TMEM25: variants seen among roughly 807,000 people sequenced by gnomAD.
The protein encoded by TMEM25 is 0610039J01Rik.
A neutral mutation model predicts 37.0 loss-of-function variants in TMEM25; 36 were observed. The ratio of observed to expected loss-of-function variants is 0.97; its 90% CI spans 0.75 to 1.28. The LOEUF (loss-of-function observed/expected upper bound fraction) is 1.28. Ranked by LOEUF, TMEM25 falls within the 50% of genes most tolerant of loss-of-function variation. The pLI is 0.00. For synonymous variants in TMEM25, 197 were observed against 203.7 expected (o/e 0.97, Z 0.28); for missense variants, 444 against 477.9 (o/e 0.93, Z 0.66).
In TMEM25 at chr11:118,532,140, T is replaced by C; in HGVS notation, c.71-10T>C. On this transcript the variant is annotated splice_polypyrimidine_tract_variant and intron_variant, in intron 2 of 8. Transcript: ENST00000313236. ...TGAGCCCTTCCCAGAGGCCTCCTGC[T>C]GTGTTCCAGGTTGGGGGGAGTTGGA... is the stretch of plus-strand genomic sequence containing the variant. 1 of 1,547,428 alleles carries C rather than the reference T, an allele frequency of 6.5e-7. No individual in the cohort carries two copies. Among genetic ancestry groups the C allele is most frequent in the Non-Finnish European group, 8.7e-7 (1 of 1,145,216 alleles).
intron 8 of TMEM25, among the ~76,000 whole-genome samples, chr11:118,544,207 C>T (rs1951622558): frequency 6.6e-6 from 1 of 152,200 alleles, no homozygotes; most frequent in Non-Finnish European, 1.5e-5. Flanking sequence ...TCCATCTCTA[C>T]TACTGCCACC....
Position 118,534,486 on chromosome 11 carries a change from C to G in TMEM25, c.1028-21C>G, listed in dbSNP as rs200372342. ...AGGAACAAGCGTTACTGAGTCCCCG[C>G]GGGCTTCTTTGATCCCGCAGGTTTC... is the stretch of plus-strand genomic sequence containing the variant. On this transcript the variant is annotated intron_variant, in intron 8 of 8. Coordinates refer to ENST00000313236, the MANE Select transcript of TMEM25 (RefSeq NM_032780.4). The surrounding 1 kb of genome is among the most constrained non-coding windows in gnomAD (Gnocchi z 4.6). 16 of 1,613,990 alleles carry G rather than the reference C, an allele frequency of 9.9e-6. No individual in the cohort carries two copies. Among genetic ancestry groups the G allele is most frequent in the African/African-American group, 1.3e-5 (1 of 75,044 alleles).
In TMEM25 at chr11:118,534,480, TC is replaced by T. The variant is rs1192485827; in HGVS notation, c.1028-23del. On this transcript the variant is annotated intron_variant, in intron 8 of 8. Coordinates refer to ENST00000313236, the MANE Select transcript of TMEM25 (RefSeq NM_032780.4). This position sits in a 1 kb window ranked among gnomAD's most constrained non-coding sequence, Gnocchi z 4.6. ...ATTCCAAGGAACAAGCGTTACTGAG[TC>T]CCCGCGGGCTTCTTTGATCCCGCAG... 6.2e-7 allele frequency: 1 copy of T among 1,613,836 alleles called. No individual in the cohort carries two copies. The highest frequency in any genetic ancestry group is 8.5e-7 in the Non-Finnish European group (1 of 1,179,960).
chr11:118,532,047 C>G (rs1591333658), intron 2 of TMEM25, 103 bp from the exon 3 acceptor site: 2 of 1,402,622 alleles, frequency 1.4e-6, no homozygotes, highest in East Asian at 5.0e-5. Context: ...ACTCAGGTGC[C>G]CTTTCCTTTG....
intron 8 of TMEM25, chr11:118,545,891 G>T: frequency 6.3e-7 from 1 of 1,581,594 alleles, no homozygotes; most frequent in Non-Finnish European, 8.7e-7. Flanking sequence ...CAAAAGGATG[G>T]TGTCAGTGGT....
At chr11:118,531,733 G>C in intron 1 of TMEM25, 42 bp from the exon 2 acceptor site, 1 of 1,411,900 alleles carries the variant, frequency 7.1e-7, no homozygotes, top group South Asian at 1.3e-5. Flanking sequence ...TGCTAGGCCT[G>C]CCTGCTGTCA....
rs1420603409 is a variant in TMEM25 at position 118,541,871 on chromosome 11, C to CCTCA, written c.1028-4247_1028-4244dup. On this transcript the variant is annotated intron_variant, in intron 8 of 8. Coordinates refer to the TMEM25 transcript ENST00000354284. ...CTCCCGGGCTTAATCGATCCTCCTA[C>CCTCA]CTCAGCCTCTCGAGTAGCTGGGACC... 5.3e-5 allele frequency among the ~76,000 whole-genome samples: 8 copies of CCTCA among 152,212 alleles called. No homozygotes were observed. In the East Asian group the frequency reaches 1.5e-3, roughly 29 times the overall value.
chr11:118,531,867 C>T lies in TMEM25; in HGVS notation c.66C>T (p.Ser22=). ...TGCTGCTCCTGCCAGCCCTTCTGAGCTCAGGTACACCCCTGTTCAGTCGTT... is the reference window on the plus strand; with the variant it reads ...TGCTGCTCCTGCCAGCCCTTCTGAGTTCAGGTACACCCCTGTTCAGTCGTT... ...HTLLLLPALL[S]SGWGELEPQI... Residue 22 remains serine (S), a synonymous_variant, in exon 2 of 9, where the codon AGC becomes AGT. Coordinates refer to ENST00000313236, the MANE Select transcript of TMEM25 (RefSeq NM_032780.4). 6.4e-7 allele frequency: 1 copy of T among 1,551,696 alleles called. No individual in the cohort carries two copies. Among genetic ancestry groups the T allele is most frequent in the Non-Finnish European group, 8.7e-7 (1 of 1,147,020 alleles).
chr11:118,539,164 A>AT (rs1160816224), downstream of TMEM25, among the ~76,000 whole-genome samples: 51,189 of 100,786 alleles, frequency 0.51, 15,397 homozygotes, highest in African/African-American at 0.79. Context: ...TTGGTCATAA[A>AT]TTTTTTTTTT....
chr11:118,533,932 G>C (rs1045611882), intron 6 of TMEM25, 45 bp downstream of exon 6: 2 of 1,614,020 alleles, frequency 1.2e-6, no homozygotes, highest in African/African-American at 2.7e-5. Flanking sequence ...CCGAAATGCA[G>C]GATGGGGACA....
rs12289253 is a variant in TMEM25, at chr11:118,534,353, A to G, written c.1025A>G (p.Gln342Arg). 260,119 of 1,613,464 alleles carry G rather than the reference A, an allele frequency of 0.16. 26,256 individuals carry two copies. The highest frequency in any genetic ancestry group is 0.48 in the East Asian group (21,497 of 44,822). ...GAGCCCGGCGGCCTCCTCACCAGCC[A>G]AGGTACTGGGGAAGGGGCCTGCCAC... ...DPEPGGLLTSQGFIRLPVLGY... is the reference protein window; with the variant it reads ...DPEPGGLLTSRGFIRLPVLGY... The change falls in exon 8 of 9, where the codon CAA becomes CGA. Residue 342 changes from glutamine to arginine, a missense_variant and splice_region_variant. By Grantham distance (43) the Gln-to-Arg change is conservative. Coordinates refer to ENST00000313236, the MANE Select transcript of TMEM25 (RefSeq NM_032780.4). The surrounding 1 kb of genome is among the most constrained non-coding windows in gnomAD (Gnocchi z 4.6).
Position 118,532,358 on chromosome 11 carries a change from C to T in TMEM25, c.279C>T (p.Thr93=). The T allele has an allele frequency of 6.2e-7, 1 of 1,614,208 alleles. No individual in the cohort carries two copies. The highest frequency in any genetic ancestry group is 1.3e-5 in the African/African-American group (1 of 75,048). Reference sequence around the variant, plus strand: ...AGGCCTTCTCTGGAGGCACCAGCACCTTCACTGTCACTGCCCATCGGGCCC... The same window carrying T: ...AGGCCTTCTCTGGAGGCACCAGCACTTTCACTGTCACTGCCCATCGGGCCC... ...GGEAFSGGTS[T]FTVTAHRAQH... is the part of the protein sequence containing the mutation. The change falls in exon 3 of 9, where the codon ACC becomes ACT. Residue 93 remains threonine, a synonymous_variant. Transcript: ENST00000313236.
chr11:118,545,474 A>G, intron 8 of TMEM25: 2 of 1,613,582 alleles, frequency 1.2e-6, no homozygotes, highest in Non-Finnish European at 1.7e-6. Context: ...CGACTCTTGT[A>G]GACAGGGATG....
At chr11:118,531,687 T>A (rs1951278526) in intron 1 of TMEM25, 88 bp from the exon 2 acceptor site, 1 of 1,036,560 alleles carries the variant, frequency 9.6e-7, no homozygotes, top group South Asian at 1.7e-5. Flanking sequence ...CGTACATGGT[T>A]CTTTTTGTTT....
chr11:118,537,767 C>T (rs1049161125), downstream of TMEM25, among the ~76,000 whole-genome samples: 2 of 151,998 alleles, frequency 1.3e-5, no homozygotes, highest in African/African-American at 4.8e-5. Context: ...TGAGAAATTA[C>T]AGGCCGGGTG....
chr11:118,539,448 G>A (rs1445960956), downstream of TMEM25, among the ~76,000 whole-genome samples: 2 of 152,146 alleles, frequency 1.3e-5, no homozygotes, highest in Non-Finnish European at 2.9e-5. Flanking sequence ...TTACAGGCAT[G>A]AGCCACCGCG....
intron 3 of TMEM25, 96 bp downstream of exon 3, chr11:118,532,557 T>G (rs1252260181): frequency 7.2e-7 from 1 of 1,379,468 alleles, no homozygotes; most frequent in Non-Finnish European, 9.7e-7. Flanking sequence ...TAGCAGACAC[T>G]TAAGCACTTT....
chr11:118,543,141 G>A (rs1410816833), intron 8 of TMEM25, among the ~76,000 whole-genome samples: 1 of 152,164 alleles, frequency 6.6e-6, no homozygotes, highest in Non-Finnish European at 1.5e-5. Context: ...TACTCGGGAG[G>A]CATAGGCAGG....
intron 8 of TMEM25, among the ~76,000 whole-genome samples, chr11:118,541,993 C>T (rs1951585204): frequency 6.6e-6 from 1 of 152,186 alleles, no homozygotes; most frequent in Non-Finnish European, 1.5e-5. Flanking sequence ...TGGGCTCAAG[C>T]AGTCCTCCGG....
Sources: gnomAD v4.1 joint callset for allele counts (sites outside exome capture counted in the v4.1 genomes callset) on GRCh38, gnomAD v4.1.1 for gene constraint, Gnocchi (gnomAD v3.1) non-coding constraint, MANE v1.5 for transcripts, NCBI Gene and HGNC (gene_info 2026-07-23, HGNC 2026-07-21) for gene names.